The following PCDH11X variants were observed in gnomAD, a reference collection of about 807,000 sequenced individuals.
PCDH11X encodes the protein protocadherin-11 X-linked.
A neutral mutation model predicts 53.3 loss-of-function variants in PCDH11X; 18 were observed. The ratio of observed to expected loss-of-function variants is 0.34; its 90% confidence interval spans 0.23 to 0.50. PCDH11X has a LOEUF of 0.50. Ranked by LOEUF, PCDH11X falls within the 20% of genes least tolerant of loss-of-function variation. The pLI is 0.98. For synonymous variants in PCDH11X, 279 were observed against 393.3 expected (o/e 0.71, Z 3.44); for missense variants, 570 against 1,032.4 (o/e 0.55, Z 6.14).
chrX:92,221,432 TA>T (rs1338952547), intron 7 of PCDH11X, among the ~76,000 whole-genome samples: 1 of 109,985 alleles, frequency 9.1e-6, no homozygotes, highest in Non-Finnish European at 1.9e-5. Context: ...CAGAAGTATC[TA>T]TAGAGGAAGG....
At chrX:92,120,149 TTC>T (rs1332224994) in intron 6 of PCDH11X, among the ~76,000 whole-genome samples, 2 of 91,110 alleles carry the variant, frequency 2.2e-5, no homozygotes, top group African/African-American at 4.2e-5. Flanking sequence ...TTTCTAACTT[TTC>T]TTTCTTTTTT....
At chrX:92,013,488 C>T (rs1459734680) in intron 6 of PCDH11X, among the ~76,000 whole-genome samples, 5 of 111,533 alleles carry the variant, frequency 4.5e-5, no homozygotes, top group Admixed American at 1.9e-4. Context: ...ATGCCATCCC[C>T]ATCAAGCTAC....
intron 1 of PCDH11X, among the ~76,000 whole-genome samples, chrX:91,780,768 A>C (rs1277206419): frequency 8.9e-6 from 1 of 112,945 alleles, no homozygotes; most frequent in Non-Finnish European, 1.9e-5. Context: ...TTTAGACTTT[A>C]GAAGAGCGGA....
chrX:92,379,455 T>A (rs1468587448), intron 8 of PCDH11X, among the ~76,000 whole-genome samples: 1 of 113,096 alleles, frequency 8.8e-6, no homozygotes, highest in Non-Finnish European at 1.9e-5. Context: ...TGAGGGCAGC[T>A]GGGCATGGGC....
chrX:91,903,466 C>A (rs1941025774), intron 6 of PCDH11X, among the ~76,000 whole-genome samples: 1 of 111,141 alleles, frequency 9.0e-6, no homozygotes, highest in African/African-American at 3.3e-5. Flanking sequence ...CTCATTCATC[C>A]CTGGGTCATA....
At chrX:91,917,864 G>A (rs1168159556) in intron 6 of PCDH11X, among the ~76,000 whole-genome samples, 2 of 108,053 alleles carry the variant, frequency 1.9e-5, no homozygotes, top group Non-Finnish European at 3.9e-5. Context: ...ACCCTGCATA[G>A]CCAAAGCAAG....
At chrX:91,973,387 A>G (rs2061998605) in intron 6 of PCDH11X, among the ~76,000 whole-genome samples, 3 of 103,590 alleles carry the variant, frequency 2.9e-5, no homozygotes, top group African/African-American at 1.1e-4. Context: ...ATGTATAGAT[A>G]TGTAACTAAC....
At chrX:92,516,674 T>C (rs1242153358) in intron 10 of PCDH11X, among the ~76,000 whole-genome samples, 1 of 112,259 alleles carries the variant, frequency 8.9e-6, no homozygotes, top group Non-Finnish European at 1.9e-5. Flanking sequence ...TTTTCCAAAG[T>C]ATGCATTTGC....
chrX:91,943,477 A>G (rs1256308145), intron 6 of PCDH11X, among the ~76,000 whole-genome samples: 1 of 111,045 alleles, frequency 9.0e-6, no homozygotes, highest in Non-Finnish European at 1.9e-5. Context: ...TATTAAGAAA[A>G]CTGAAAAAGG....
intron 6 of PCDH11X, among the ~76,000 whole-genome samples, chrX:91,967,607 T>C (rs1477843746): frequency 9.2e-6 from 1 of 108,980 alleles, no homozygotes; most frequent in African/African-American, 3.3e-5. Flanking sequence ...TGGGGACCAC[T>C]GTGGTAGGAG....
intron 6 of PCDH11X, among the ~76,000 whole-genome samples, chrX:92,057,934 AT>A (rs1266533607): frequency 6.8e-5 from 6 of 88,673 alleles, no homozygotes; most frequent in African/African-American, 3.7e-4. Flanking sequence ...GCCACGTATA[AT>A]AAAATTGCAG....
intron 7 of PCDH11X, among the ~76,000 whole-genome samples, chrX:92,228,374 G>A (rs2067007998): frequency 9.0e-6 from 1 of 111,601 alleles, no homozygotes; most frequent in African/African-American, 3.3e-5. Flanking sequence ...AGACCACAGT[G>A]TATCCCTAAG....
intron 6 of PCDH11X, among the ~76,000 whole-genome samples, chrX:92,129,266 C>T: frequency 9.1e-6 from 1 of 110,377 alleles, no homozygotes; most frequent in African/African-American, 3.3e-5. Flanking sequence ...TGGTGCACGC[C>T]TGTAATACCA....
intron 10 of PCDH11X, among the ~76,000 whole-genome samples, chrX:92,567,879 A>G (rs999007088): frequency 9.3e-6 from 1 of 107,088 alleles, no homozygotes; most frequent in Non-Finnish European, 1.9e-5. Flanking sequence ...GCATCAGGAA[A>G]AATAGCTAAT....
intron 6 of PCDH11X, among the ~76,000 whole-genome samples, chrX:92,011,949 G>C (rs772721117): frequency 3.6e-3 from 400 of 110,601 alleles, no homozygotes; most frequent in Non-Finnish European, 6.1e-3. Context: ...CCATGTAGTA[G>C]TTTTTTATAT....
chrX:92,538,244 A>C (rs1479520161), intron 10 of PCDH11X, among the ~76,000 whole-genome samples: 1 of 103,988 alleles, frequency 9.6e-6, no homozygotes, highest in Non-Finnish European at 2.0e-5. Flanking sequence ...CTTTATTTTC[A>C]ATCTGTGTGT....
rs779659085 is a variant in PCDH11X, at chrX:92,133,629, G to A, written c.3034-67746G>A. 4.4e-5 allele frequency among the ~76,000 whole-genome samples: 5 copies of A among 112,538 alleles called. No individual in the cohort carries two copies. In the East Asian group the frequency reaches 1.4e-3, roughly 32 times the overall value. ...GATCACCCCGCCTCGGCCTCCCAAA[G>A]TGCTGTGATTACAGGCGTGAGCCAC... On this transcript the variant is annotated intron_variant, in intron 6 of 10. Transcript: ENST00000682573.
At chrX:92,609,285 G>A (rs1195119525) in intron 10 of PCDH11X, among the ~76,000 whole-genome samples, 2 of 110,976 alleles carry the variant, frequency 1.8e-5, no homozygotes, top group Non-Finnish European at 3.8e-5. Flanking sequence ...TTTTTTTTCT[G>A]TTTTTGTTTT....
intron 6 of PCDH11X, among the ~76,000 whole-genome samples, chrX:92,159,814 ATT>A (rs1177460058): frequency 0.051 from 2,159 of 42,359 alleles, 144 homozygotes; most frequent in African/African-American, 0.13. Flanking sequence ...AGGTTACCTC[ATT>A]TTTTTTTTTT....
Sources: gnomAD v4.1 joint callset for allele counts (sites outside exome capture counted in the v4.1 genomes callset) on GRCh38, gnomAD v4.1.1 for gene constraint, MANE v1.5 for transcripts, NCBI Gene and HGNC (gene_info 2026-07-23, HGNC 2026-07-21) for gene names.